AMER1: variants seen among roughly 807,000 people sequenced by gnomAD.
AMER1 encodes APC membrane recruitment protein 1.
A neutral mutation model predicts 53.0 loss-of-function variants in AMER1; 16 were observed. The ratio of observed to expected loss-of-function variants is 0.30; its 90% CI spans 0.20 to 0.46. The LOEUF (loss-of-function observed/expected upper bound fraction) is 0.46. Ranked by LOEUF, AMER1 falls within the 20% of genes least tolerant of loss-of-function variation. The pLI is 1.00. For missense variants in AMER1, 947 were observed against 884.9 expected (o/e 1.07, Z -0.89); for synonymous variants, 354 against 331.9 (o/e 1.07, Z -0.73).
chrX:64,201,739 C>T, intron 1 of AMER1, among the ~76,000 whole-genome samples: 1 of 112,531 alleles, frequency 8.9e-6, no homozygotes, highest in East Asian at 2.8e-4. Context: ...CCTTCTCCCT[C>T]TTGGTTCTAC....
chrX:64,197,396 C>T lies in AMER1; in HGVS notation c.-98-4012G>A, dbSNP rs776241988. The stretch of plus-strand genomic sequence containing the variant: ...CTGGCTACAAAGGAAGAGCTTCTTC[C>T]TTCTCCTCTCCACTTAAAACATAGG... On this transcript the variant is annotated intron_variant, in intron 1 of 1. Coordinates refer to ENST00000374869, the MANE Select transcript of AMER1 (RefSeq NM_152424.4). Among the ~76,000 whole-genome samples, 9 of 112,791 alleles carry T rather than the reference C, an allele frequency of 8.0e-5. No individual in the cohort carries two copies. In the South Asian group the frequency reaches 2.6e-3, roughly 32 times the overall value.
At chrX:64,205,293 C>G (rs941518761) in intron 1 of AMER1, among the ~76,000 whole-genome samples, 11 of 110,612 alleles carry the variant, frequency 9.9e-5, no homozygotes, top group African/African-American at 3.6e-4. Flanking sequence ...CCCGCCCCCC[C>G]GAAAGCCGGG....
At chrX:64,200,250 G>A (rs757353391) in intron 1 of AMER1, among the ~76,000 whole-genome samples, 328 of 112,306 alleles carry the variant, frequency 2.9e-3, no homozygotes, top group Non-Finnish European at 4.1e-3. Context: ...CCCACCCCCC[G>A]TTCAAATGAA....
Position 64,191,373 on chromosome X carries a change from A to C in AMER1, c.1914T>G (p.Thr638=), listed in dbSNP as rs1199701152. 3.3e-6 allele frequency: 4 copies of C among 1,211,277 alleles called. 1 individual carries two copies. The South Asian group carries it at 5.3e-5, about 16-fold the overall frequency. The part of the protein sequence containing the change: ...AQAREVRCRE[T]QVRETQARQE... ...GCCGGGCCTGGGTCTCTCGGACTTGAGTCTCTCTACAACGAACCTCTCGGG... is the reference window on the plus strand; with the variant it reads ...GCCGGGCCTGGGTCTCTCGGACTTGCGTCTCTCTACAACGAACCTCTCGGG... Residue 638 remains threonine, a synonymous_variant, in exon 2 of 2, where the codon ACT becomes ACG. Transcript: ENST00000374869.
chrX:64,192,839 C>T lies in AMER1; in HGVS notation c.448G>A (p.Ala150Thr), dbSNP rs1282660397. The T allele has an allele frequency of 1.7e-6, 2 of 1,212,014 alleles. No individual in the cohort carries two copies. The highest frequency in any genetic ancestry group is 3.0e-5 in the East Asian group (1 of 33,827). ...TTCTCAGCCACAGCTTTCTCTGTGG[C>T]TCCAGCCACAGATGTCTTACATCTG... Reference protein sequence around the residue: ...GSRCKTSVAGATEKAVAEKFP... With the variant: ...GSRCKTSVAGTTEKAVAEKFP... Residue 150 changes from alanine (A) to threonine (T), a missense_variant, in exon 2 of 2, where the codon GCC becomes ACC. Ala to Thr is a moderately conservative substitution (Grantham distance 58). Coordinates refer to ENST00000374869, the MANE Select transcript of AMER1 (RefSeq NM_152424.4).
At position 64,189,480 on chromosome X, in the gene AMER1, ATGTATG is replaced by A. The variant is rs1930180585; in HGVS notation, c.*393_*398del. On this transcript the variant is annotated 3_prime_UTR_variant, in exon 2 of 2. Transcript: ENST00000374869. The stretch of plus-strand genomic sequence containing the variant: ...CATGTGTGTTTGTGTGTGTGTGTGT[ATGTATG>A]TGTGTGTGTGTGTGTGTGTGTGTGT... The A allele has an allele frequency of 3.5e-5, 18 of 516,912 alleles. No individual in the cohort carries two copies. Among genetic ancestry groups the A allele is most frequent in the Non-Finnish European group, 3.7e-5 (17 of 457,309 alleles). 42.6% of individuals were successfully genotyped at this position (516,912 alleles called of 1,213,427 possible).
rs139477886 is a variant in AMER1 at position 64,192,523 on chromosome X, C to A, written c.764G>T (p.Cys255Phe). Reference protein sequence around the residue: ...PSPPATEKMACKDPEKPMEAC... With the variant: ...PSPPATEKMAFKDPEKPMEAC... ...CTCCATGGGTTTTTCTGGATCTTTA[C>A]AGGCCATTTTCTCAGTAGCTGGTGG... The change falls in exon 2 of 2, where the codon TGT becomes TTT. Residue 255 changes from cysteine (C) to phenylalanine (F), a missense_variant. Transcript: ENST00000374869. 2 of 1,206,484 alleles carry A rather than the reference C, an allele frequency of 1.7e-6. No homozygotes were observed. The highest frequency in any genetic ancestry group is 2.2e-6 in the Non-Finnish European group (2 of 893,805).
Position 64,191,350 on chromosome X carries a change from C to T in AMER1, c.1937G>A (p.Arg646Gln), listed in dbSNP as rs147754688. 9.1e-6 allele frequency: 11 copies of T among 1,210,025 alleles called. No individual in the cohort carries two copies. Among genetic ancestry groups the T allele is most frequent in the African/African-American group, 3.5e-5 (2 of 57,204 alleles). The change falls in exon 2 of 2, where the codon CGG becomes CAG. Residue 646 changes from arginine (R) to glutamine (Q), a missense_variant. Arg to Gln is a conservative substitution (Grantham distance 43, BLOSUM62 1). Coordinates refer to ENST00000374869, the MANE Select transcript of AMER1 (RefSeq NM_152424.4). ...RETQVRETQA[R>Q]QEKPVLEYQM... ...ATACTCTAAGACGGGCTTCTCCTGCCGGGCCTGGGTCTCTCGGACTTGAGT... is the reference window on the plus strand; with the variant it reads ...ATACTCTAAGACGGGCTTCTCCTGCTGGGCCTGGGTCTCTCGGACTTGAGT...
Position 64,189,793 on chromosome X carries a change from A to ACGGGGGGGCCC in AMER1, c.*85_*86insGGGCCCCCCCG. 3.4e-6 allele frequency: 1 copy of ACGGGGGGGCCC among 292,071 alleles called. No homozygotes were observed. The highest frequency in any genetic ancestry group is 4.9e-6 in the Non-Finnish European group (1 of 204,829). The allele number at this position is 292,071 out of a possible 1,213,427, so 24.1% of individuals were successfully genotyped here. ...CAAAGGGTTTTCAAGTTAAACAACA[A>ACGGGGGGGCCC]CCCCCACCCCCCCACCCTTCTGCCC... On this transcript the variant is annotated 3_prime_UTR_variant, in exon 2 of 2. Coordinates refer to ENST00000374869, the MANE Select transcript of AMER1 (RefSeq NM_152424.4).
chrX:64,191,357 G>C lies in AMER1; in HGVS notation c.1930C>G (p.Gln644Glu), dbSNP rs1290201140. The C allele has an allele frequency of 3.3e-6, 4 of 1,210,023 alleles. No homozygotes were observed. The African/African-American group carries it at 7.0e-5, about 21-fold the overall frequency. Residue 644 changes from glutamine (Q) to glutamate (E), a missense_variant, in exon 2 of 2, where the codon CAG becomes GAG. Coordinates refer to ENST00000374869, the MANE Select transcript of AMER1 (RefSeq NM_152424.4). ...AAGACGGGCTTCTCCTGCCGGGCCT[G>C]GGTCTCTCGGACTTGAGTCTCTCTA... ...RCRETQVRET[Q>E]ARQEKPVLEY...
intron 1 of AMER1, among the ~76,000 whole-genome samples, chrX:64,200,940 G>C (rs1033715225): frequency 1.8e-5 from 2 of 111,857 alleles, no homozygotes; most frequent in African/African-American, 6.5e-5. Flanking sequence ...AAGAAGGGCT[G>C]AGCAGATGGA....
chrX:64,203,237 T>C (rs1348122447), intron 1 of AMER1, among the ~76,000 whole-genome samples: 1 of 111,878 alleles, frequency 8.9e-6, no homozygotes, highest in Non-Finnish European at 1.9e-5. Flanking sequence ...GATTTTTTTC[T>C]TGTAGTTGCA....
chrX:64,195,708 C>G (rs955387704), intron 1 of AMER1, among the ~76,000 whole-genome samples: 4 of 112,518 alleles, frequency 3.6e-5, no homozygotes, highest in Non-Finnish European at 7.5e-5. Flanking sequence ...CCTTCCTCCT[C>G]TCCATCCATG....
In AMER1 at chrX:64,191,660, C is replaced by T. The variant is rs2147087805; in HGVS notation, c.1627G>A (p.Glu543Lys). 8.2e-7 allele frequency: 1 copy of T among 1,212,209 alleles called. No individual in the cohort carries two copies. The highest frequency in any genetic ancestry group is 1.1e-6 in the Non-Finnish European group (1 of 895,646). ...SEMFDPFLNFEPFLSSRPPGA... is the reference protein window; with the variant it reads ...SEMFDPFLNFKPFLSSRPPGA... ...GGTGGCCGGGAGGACAAAAAGGGCT[C>T]AAAGTTTAAGAAGGGGTCAAACATC... is the stretch of plus-strand genomic sequence containing the variant. The change falls in exon 2 of 2, where the codon GAG becomes AAG. Residue 543 changes from glutamate (E) to lysine (K), a missense_variant. Coordinates refer to ENST00000374869, the MANE Select transcript of AMER1 (RefSeq NM_152424.4).
In AMER1 at chrX:64,189,907, G is replaced by A. The variant is rs1930203444; in HGVS notation, c.3380C>T (p.Thr1127Ile). The change falls in exon 2 of 2, where the codon ACT (threonine) becomes ATT (isoleucine). Residue 1127 changes from threonine (T) to isoleucine (I), a missense_variant. By Grantham distance (89) the Thr-to-Ile change is moderately conservative. Coordinates refer to ENST00000374869, the MANE Select transcript of AMER1 (RefSeq NM_152424.4). ...CTTGGCTAGGTTTCCATTCATGGCAGTGGAGGAGTAGCTGGTGGCAAGAGA... is the reference window on the plus strand; with the variant it reads ...CTTGGCTAGGTTTCCATTCATGGCAATGGAGGAGTAGCTGGTGGCAAGAGA... ...GASLATSYSS[T>I]AMNGNLAK 8.3e-7 allele frequency: 1 copy of A among 1,201,352 alleles called. No homozygotes were observed. The highest frequency in any genetic ancestry group is 1.1e-6 in the Non-Finnish European group (1 of 892,343).
At position 64,192,905 on chromosome X, in the gene AMER1, G is replaced by A. The variant is rs1394216535; in HGVS notation, c.382C>T (p.Pro128Ser). 2.5e-6 allele frequency: 3 copies of A among 1,211,961 alleles called. No individual in the cohort carries two copies. Among genetic ancestry groups the A allele is most frequent in the Admixed American group, 2.2e-5 (1 of 46,067 alleles). ...GCCCCATGGGCACTCTGAGAGCTGG[G>A]AAATTGGCAGGGTAACTCAGGCAAA... Reference protein sequence around the residue: ...LPLPELPCQFPSSQSAHGALE... With the variant: ...LPLPELPCQFSSSQSAHGALE... The change falls in exon 2 of 2, where the codon CCC becomes TCC. Residue 128 changes from proline to serine, a missense_variant. Pro to Ser is a moderately conservative substitution (Grantham distance 74, BLOSUM62 -1). Transcript: ENST00000374869.
At chrX:64,199,855 G>A (rs1930450984) in intron 1 of AMER1, among the ~76,000 whole-genome samples, 1 of 112,738 alleles carries the variant, frequency 8.9e-6, no homozygotes, top group South Asian at 3.6e-4. Context: ...TATGTCTGAT[G>A]TTAAAGGCTT....
chrX:64,191,333 A>C lies in AMER1; in HGVS notation c.1954T>G (p.Leu652Val). 8.3e-7 allele frequency: 1 copy of C among 1,211,559 alleles called. No homozygotes were observed. Among genetic ancestry groups the C allele is most frequent in the Non-Finnish European group, 1.1e-6 (1 of 895,421 alleles). The change falls in exon 2 of 2, where the codon TTA becomes GTA. Residue 652 changes from leucine to valine, a missense_variant. Coordinates refer to ENST00000374869, the MANE Select transcript of AMER1 (RefSeq NM_152424.4). ...CCTAAGGGCCTCATCTGATACTCTA[A>C]GACGGGCTTCTCCTGCCGGGCCTGG... Reference protein sequence around the residue: ...ETQARQEKPVLEYQMRPLGPS... With the variant: ...ETQARQEKPVVEYQMRPLGPS...
intron 1 of AMER1, among the ~76,000 whole-genome samples, chrX:64,194,657 G>A (rs1930329847): frequency 9.0e-6 from 1 of 111,329 alleles, no homozygotes; most frequent in Non-Finnish European, 1.9e-5. Context: ...GGAAGGGGAG[G>A]GAAGGAAGAG....
Sources: gnomAD v4.1 joint callset for allele counts (sites outside exome capture counted in the v4.1 genomes callset) on GRCh38, gnomAD v4.1.1 for gene constraint, MANE v1.5 for transcripts, NCBI Gene and HGNC (gene_info 2026-07-23, HGNC 2026-07-21) for gene names.